The following CCDC3 variants were observed in gnomAD, a reference collection of about 807,000 sequenced individuals.
CCDC3 encodes the protein coiled-coil domain-containing protein 3.
A neutral mutation model predicts 21.4 loss-of-function variants in CCDC3; 24 were observed. That is an observed-to-expected ratio of 1.12 (90% CI 0.81 to 1.58). The LOEUF (loss-of-function observed/expected upper bound fraction) is 1.58, where lower values mean the gene tolerates loss of function less well. Among genes scored for constraint, CCDC3 ranks in the 40% most tolerant of loss-of-function variants. The pLI, the probability that CCDC3 is intolerant of heterozygous loss-of-function variation, is 0.00. For synonymous variants in CCDC3, 186 were observed against 166.0 expected, an observed-to-expected ratio of 1.12 and a Z score of -0.93; for missense variants, 425 against 360.9, an observed-to-expected ratio of 1.18 and a Z score of -1.44.
chr10:12,991,549 G>A (rs1172864451), intron 2 of CCDC3, among the ~76,000 whole-genome samples: 1 of 152,066 alleles, frequency 6.6e-6, no homozygotes, highest in African/African-American at 2.4e-5. Context: ...GGCGAGGCTG[G>A]TCTCAAACTC....
rs537554088 is a variant in CCDC3 at position 12,918,376 on chromosome 10, G to A, written c.550-19697C>T. Among the ~76,000 whole-genome samples, 84 of 152,174 alleles carry A rather than the reference G, an allele frequency of 5.5e-4. 2 individuals carry two copies. The highest frequency in any genetic ancestry group is 1.4e-3 in the Admixed American group (22 of 15,282). On this transcript the variant is annotated intron_variant, in intron 2 of 2. Transcript: ENST00000378825. The stretch of plus-strand genomic sequence containing the variant: ...TTGCAGTTCCATACAAGCTTTGAAT[G>A]GATCAAACACTACAAACTGTATTAG...
At chr10:12,939,320 C>A (rs866980781) in intron 2 of CCDC3, among the ~76,000 whole-genome samples, 7 of 152,204 alleles carry the variant, frequency 4.6e-5, no homozygotes, top group Non-Finnish European at 1.5e-5. Flanking sequence ...AGAAATCTTT[C>A]TTTATATTTT....
intron 1 of CCDC3, among the ~76,000 whole-genome samples, chr10:13,000,193 C>T (rs1397960999): frequency 6.6e-6 from 1 of 152,176 alleles, no homozygotes; most frequent in Non-Finnish European, 1.5e-5. Flanking sequence ...ATCACCCCAA[C>T]AGTGGATTAA....
intron 5 of CCDC3, among the ~76,000 whole-genome samples, chr10:13,021,560 T>C (rs1344333254): frequency 6.6e-6 from 1 of 152,182 alleles, no homozygotes; most frequent in Admixed American, 6.5e-5. Context: ...AGGTCTCTTT[T>C]CTCCTTTCCA....
intron 2 of CCDC3, among the ~76,000 whole-genome samples, chr10:12,927,059 A>G (rs1350780179): frequency 2.0e-5 from 3 of 152,212 alleles, no homozygotes; most frequent in African/African-American, 4.8e-5. Flanking sequence ...CAAGATCCTG[A>G]TATCAGCCAA....
At position 12,899,666 on chromosome 10, in the gene CCDC3, G is replaced by A. The variant is rs573318890; in HGVS notation, c.550-987C>T. Among the ~76,000 whole-genome samples the A allele has an allele frequency of 4.6e-4, 70 of 152,310 alleles. 2 individuals carry two copies. The highest frequency in any genetic ancestry group is 2.7e-3 in the South Asian group (13 of 4,818). On this transcript the variant is annotated intron_variant, in intron 2 of 2. Transcript: ENST00000378825. ...GGTGGTGTAGCAATGTCTAAGTGGT[G>A]TTCATATTGAAAAGCTGTGCAGAAC...
intron 3 of CCDC3, among the ~76,000 whole-genome samples, chr10:13,080,147 C>A (rs1172324483): frequency 6.6e-6 from 1 of 151,912 alleles, no homozygotes; most frequent in African/African-American, 2.4e-5. Context: ...TGGATCCCAC[C>A]CAGCCCAAGA....
At chr10:12,929,896 G>A (rs1041371886) in intron 2 of CCDC3, among the ~76,000 whole-genome samples, 27 of 152,182 alleles carry the variant, frequency 1.8e-4, no homozygotes, top group Non-Finnish European at 1.6e-4. Flanking sequence ...ATTGAAGTGG[G>A]AGAGGGTAAA....
chr10:12,942,209 A>C (rs1834843357), intron 2 of CCDC3, among the ~76,000 whole-genome samples: 1 of 152,234 alleles, frequency 6.6e-6, no homozygotes, highest in Non-Finnish European at 1.5e-5. Flanking sequence ...CACAAATATT[A>C]CTAAAAAGCT....
intron 5 of CCDC3, among the ~76,000 whole-genome samples, chr10:13,023,121 T>C (rs951034763): frequency 6.6e-6 from 1 of 152,032 alleles, no homozygotes; most frequent in Admixed American, 6.6e-5. Context: ...TTTTCATGAT[T>C]GTACAGCAAA....
chr10:13,086,572 C>T (rs1837109532), intron 3 of CCDC3, among the ~76,000 whole-genome samples: 2 of 152,146 alleles, frequency 1.3e-5, no homozygotes, highest in South Asian at 4.2e-4. Context: ...TCAGCCTCCC[C>T]AGCAGCTGGG....
intron 2 of CCDC3, among the ~76,000 whole-genome samples, chr10:12,949,460 C>T (rs1488331363): frequency 6.6e-6 from 1 of 152,190 alleles, no homozygotes; most frequent in Admixed American, 6.5e-5. Flanking sequence ...GGAGGCCATG[C>T]TCAGTGGAGC....
At chr10:13,042,750 T>C (rs1229372181) in intron 5 of CCDC3, among the ~76,000 whole-genome samples, 1 of 151,002 alleles carries the variant, frequency 6.6e-6, no homozygotes, top group African/African-American at 2.4e-5. Context: ...CTACTAAAAA[T>C]ACAAAAAAAT....
At chr10:13,048,890 C>T (rs944482788) in intron 5 of CCDC3, among the ~76,000 whole-genome samples, 2 of 152,096 alleles carry the variant, frequency 1.3e-5, no homozygotes, top group Non-Finnish European at 2.9e-5. Context: ...CCTAGAGCCA[C>T]GTGGTCTTTT....
intron 5 of CCDC3, among the ~76,000 whole-genome samples, chr10:13,014,054 G>T (rs1390002548): frequency 6.6e-6 from 1 of 152,082 alleles, no homozygotes; most frequent in African/African-American, 2.4e-5. Flanking sequence ...AGGATGCTGA[G>T]GCAGGAGACT....
chr10:12,909,733 C>A (rs527331313), intron 2 of CCDC3, among the ~76,000 whole-genome samples: 34 of 152,280 alleles, frequency 2.2e-4, no homozygotes, highest in African/African-American at 7.7e-4. Flanking sequence ...GGAGGGGGAT[C>A]CTAGACAGGC....
At chr10:12,998,302 T>C (rs1049108561) in intron 2 of CCDC3, 36 bp downstream of exon 2, 1 of 1,599,956 alleles carries the variant, frequency 6.3e-7, no homozygotes, top group African/African-American at 1.3e-5. Flanking sequence ...GCTATACTAT[T>C]GTTTTGCTGT....
intron 2 of CCDC3, among the ~76,000 whole-genome samples, chr10:12,989,551 A>G (rs568053701): frequency 1.3e-5 from 2 of 152,236 alleles, no homozygotes; most frequent in African/African-American, 4.8e-5. Context: ...CCTCCTGAGT[A>G]GCTGGGATTA....
chr10:12,925,789 C>T (rs961434208), intron 2 of CCDC3, among the ~76,000 whole-genome samples: 9 of 152,242 alleles, frequency 5.9e-5, no homozygotes, highest in South Asian at 2.1e-4. Flanking sequence ...AAACATCTAA[C>T]TCCACATCTC....
Sources: allele counts gnomAD v4.1 joint callset (sites outside exome capture counted in the v4.1 genomes callset), GRCh38; gene constraint gnomAD v4.1.1; transcripts MANE v1.5; gene names NCBI Gene and HGNC (gene_info 2026-07-23, HGNC 2026-07-21).